LEPR: variants seen among roughly 807,000 people sequenced by gnomAD.
LEPR encodes the protein OB receptor.
Under a neutral mutation model 114.7 loss-of-function variants are expected in LEPR, and 56 were observed. That is an observed-to-expected ratio of 0.49 (90% CI 0.39 to 0.61). LEPR has a LOEUF of 0.61. Ranked by LOEUF, LEPR falls within the 20% of genes least tolerant of loss-of-function variation. The pLI, the probability that LEPR is intolerant of heterozygous loss-of-function variation, is 0.00. For missense variants in LEPR, 1,202 were observed against 1,352.9 expected (o/e 0.89, Z 1.75); for synonymous variants, 443 against 461.4 (o/e 0.96, Z 0.51).
intron 2 of LEPR, among the ~76,000 whole-genome samples, chr1:65,452,656 T>G (rs1488835898): frequency 6.6e-6 from 1 of 151,194 alleles, no homozygotes; most frequent in African/African-American, 2.4e-5. Context: ...ATAAGCTTTT[T>G]GATGTGCTGC....
chr1:65,483,656 T>C (rs940855470), intron 2 of LEPR, among the ~76,000 whole-genome samples: 2 of 152,206 alleles, frequency 1.3e-5, no homozygotes, highest in Non-Finnish European at 2.9e-5. Flanking sequence ...TGTTACTACT[T>C]TCCCATCACT....
At chr1:65,585,049 C>T (rs539233719) in intron 5 of LEPR, among the ~76,000 whole-genome samples, 1 of 152,018 alleles carries the variant, frequency 6.6e-6, no homozygotes, top group Non-Finnish European at 1.5e-5. Context: ...TCTGGACCTT[C>T]TGAATTCCTC....
In LEPR at chr1:65,564,954, G is replaced by A. The variant is rs374659470; in HGVS notation, c.-20-592G>A. The stretch of plus-strand genomic sequence containing the variant: ...TCTTGTCTCTGAAGTCGGACTTCAT[G>A]TGGGTATATTAAGCCACCAGACTTT... On this transcript the variant is annotated intron_variant, in intron 2 of 19. Coordinates refer to ENST00000349533, the MANE Select transcript of LEPR (RefSeq NM_002303.6). 3.9e-5 allele frequency among the ~76,000 whole-genome samples: 6 copies of A among 152,316 alleles called. No individual in the cohort carries two copies. In the East Asian group the frequency reaches 5.8e-4, roughly 15 times the overall value.
At chr1:65,547,985 C>G (rs1651911720) in intron 2 of LEPR, among the ~76,000 whole-genome samples, 1 of 151,432 alleles carries the variant, frequency 6.6e-6, no homozygotes, top group Admixed American at 6.6e-5. Context: ...TTGAATGTGT[C>G]CCAGAGATTC....
At chr1:65,599,949 T>G (rs1656332545) in intron 8 of LEPR, among the ~76,000 whole-genome samples, 2 of 152,140 alleles carry the variant, frequency 1.3e-5, no homozygotes, top group African/African-American at 4.8e-5. Flanking sequence ...TTAGTTTTCT[T>G]ATTTTAAGCT....
At chr1:65,574,286 AT>A (rs1325779178) in intron 5 of LEPR, among the ~76,000 whole-genome samples, 2 of 152,188 alleles carry the variant, frequency 1.3e-5, no homozygotes, top group Middle Eastern at 3.2e-3. Context: ...AGAAATTTAA[AT>A]TTGCATGCTA....
At chr1:65,538,572 G>A (rs1352543226) in intron 2 of LEPR, among the ~76,000 whole-genome samples, 2 of 151,784 alleles carry the variant, frequency 1.3e-5, no homozygotes, top group Non-Finnish European at 2.9e-5. Flanking sequence ...TGTTTCTCTC[G>A]GATACTTCTT....
At chr1:65,437,798 C>T (rs79018834) in intron 2 of LEPR, among the ~76,000 whole-genome samples, 3 of 151,836 alleles carry the variant, frequency 2.0e-5, no homozygotes, top group African/African-American at 7.3e-5. Flanking sequence ...GAAAGCCTCA[C>T]CCAAAAGAGG....
chr1:65,519,049 T>C (rs1330371905), intron 2 of LEPR, among the ~76,000 whole-genome samples: 1 of 150,344 alleles, frequency 6.7e-6, no homozygotes, highest in Non-Finnish European at 1.5e-5. Context: ...TTTCTTTCTT[T>C]CTCTCTCTCC....
chr1:65,588,426 A>G (rs1262870712), intron 5 of LEPR, among the ~76,000 whole-genome samples: 2 of 152,142 alleles, frequency 1.3e-5, no homozygotes, highest in East Asian at 1.9e-4. Context: ...TAGTTGATAT[A>G]TAATAAGCTG....
At chr1:65,439,767 G>A (rs910772996) in intron 2 of LEPR, among the ~76,000 whole-genome samples, 3 of 149,144 alleles carry the variant, frequency 2.0e-5, no homozygotes, top group Non-Finnish European at 4.4e-5. Flanking sequence ...GGCAGAGGTT[G>A]CAGTGAGCCG....
chr1:65,529,549 AAGGGAGGGAGGG>A lies in LEPR; in HGVS notation c.-20-35981_-20-35970del, dbSNP rs144507703. Among the ~76,000 whole-genome samples, 12 of 100,102 alleles carry A rather than the reference AAGGGAGGGAGGG, an allele frequency of 1.2e-4. No individual in the cohort carries two copies. The South Asian group carries it at 1.3e-3, about 10-fold the overall frequency. The allele number at this position is 100,102 out of a possible 152,430, so 65.7% of individuals were successfully genotyped here. A position where few individuals can be genotyped will look rare whatever the true frequency, so the allele number is the denominator to read the frequency against. ...AGAAAAAGAAAGGAAGGAAGGGAGG[AAGGGAGGGAGGG>A]AGGGAGGGAGGGAGGATTGTCTCTA... On this transcript the variant is annotated intron_variant, in intron 2 of 19. Transcript: ENST00000349533.
intron 2 of LEPR, among the ~76,000 whole-genome samples, chr1:65,521,410 T>G (rs770322049): frequency 3.3e-5 from 5 of 152,218 alleles, no homozygotes; most frequent in Non-Finnish European, 7.3e-5. Context: ...CTCTTGCATG[T>G]ACAGTCAACT....
At chr1:65,478,625 G>A (rs1647183906) in intron 2 of LEPR, among the ~76,000 whole-genome samples, 1 of 152,134 alleles carries the variant, frequency 6.6e-6, no homozygotes. Flanking sequence ...ATCTTAGTGG[G>A]TACTTAATCT....
intron 2 of LEPR, among the ~76,000 whole-genome samples, chr1:65,486,819 C>T (rs1467923254): frequency 2.0e-5 from 3 of 152,146 alleles, no homozygotes; most frequent in Non-Finnish European, 4.4e-5. Context: ...GGCCATATGG[C>T]TGTCCAGATA....
rs188490911 is a variant in LEPR, at chr1:65,546,563, T to C, written c.-20-18983T>C. Among the ~76,000 whole-genome samples the C allele has an allele frequency of 7.5e-3, 1,139 of 152,310 alleles. 5 individuals carry two copies. The highest frequency in any genetic ancestry group is 0.012 in the Non-Finnish European group (808 of 68,020). On this transcript the variant is annotated intron_variant, in intron 2 of 19. Transcript: ENST00000349533. ...GGATTCCTAAGTATTTTATTCTCTT[T>C]GAAGCAATTTTGAATGGGAGTTCAC...
chr1:65,571,344 A>T (rs977761554), intron 4 of LEPR, among the ~76,000 whole-genome samples: 2 of 152,140 alleles, frequency 1.3e-5, no homozygotes, highest in African/African-American at 2.4e-5. Flanking sequence ...TAAAAATAAA[A>T]GTTGGAAAAA....
intron 2 of LEPR, among the ~76,000 whole-genome samples, chr1:65,539,015 T>G (rs1650979088): frequency 6.6e-6 from 1 of 151,740 alleles, no homozygotes; most frequent in Non-Finnish European, 1.5e-5. Flanking sequence ...TTTGGGTCTC[T>G]TGGATTTATT....
At position 65,610,014 on chromosome 1, in the gene LEPR, A is replaced by G. The variant is rs777224298; in HGVS notation, c.1820A>G (p.Tyr607Cys). ...CCAGTTCCAGACTTGTGTGCAGTCTATGCTGTTCAGGTGCGCTGTAAGAGG... is the reference window on the plus strand; with the variant it reads ...CCAGTTCCAGACTTGTGTGCAGTCTGTGCTGTTCAGGTGCGCTGTAAGAGG... Reference protein sequence around the residue: ...SLPVPDLCAVYAVQVRCKRLD... With the variant: ...SLPVPDLCAVCAVQVRCKRLD... Residue 607 changes from tyrosine (Y) to cysteine (C), a missense_variant, in exon 13 of 20, where the codon TAT (tyrosine) becomes TGT (cysteine). Physicochemically the swap from Tyr to Cys is radical, Grantham distance 194. Transcript: ENST00000349533. The G allele has an allele frequency of 1.1e-5, 18 of 1,614,206 alleles. No homozygotes were observed. Among genetic ancestry groups the G allele is most frequent in the South Asian group, 3.3e-5 (3 of 91,082 alleles).
Sources: gnomAD v4.1 joint callset for allele counts (sites outside exome capture counted in the v4.1 genomes callset) on GRCh38, gnomAD v4.1.1 for gene constraint, MANE v1.5 for transcripts, NCBI Gene and HGNC (gene_info 2026-07-23, HGNC 2026-07-21) for gene names.